SEMA6D: variants seen among roughly 807,000 people sequenced by gnomAD.
The protein encoded by SEMA6D is semaphorin 6D.
SEMA6D carries 35 observed loss-of-function variants against 106.6 expected under a neutral mutation model. That is an observed-to-expected ratio of 0.33 (90% confidence interval 0.25 to 0.44). The LOEUF (loss-of-function observed/expected upper bound fraction) is 0.44. Among genes scored for constraint, SEMA6D ranks in the 20% least tolerant of loss-of-function variants. The pLI is 1.00. For missense variants in SEMA6D, 1,185 were observed against 1,345.9 expected (o/e 0.88, Z 1.87); for synonymous variants, 499 against 487.7 (o/e 1.02, Z -0.31).
intron 3 of SEMA6D, among the ~76,000 whole-genome samples, chr15:47,564,525 T>G (rs181142170): frequency 2.6e-5 from 4 of 152,350 alleles, no homozygotes; most frequent in African/African-American, 7.2e-5. Flanking sequence ...TTACTTGAAC[T>G]GATATAAGAC....
At chr15:47,471,983 GAA>G (rs1377169314) in intron 3 of SEMA6D, among the ~76,000 whole-genome samples, 11 of 147,696 alleles carry the variant, frequency 7.4e-5, no homozygotes, top group Middle Eastern at 3.5e-3. Context: ...ACGAAAAAGA[GAA>G]AGAGAGAGAG....
intron 3 of SEMA6D, among the ~76,000 whole-genome samples, chr15:47,547,718 G>T (rs1318040031): frequency 1.3e-5 from 2 of 152,088 alleles, no homozygotes; most frequent in East Asian, 3.9e-4. Flanking sequence ...CAGCATAAAG[G>T]AAATCTTAGA....
At chr15:47,357,699 G>T (rs553392738) in intron 1 of SEMA6D, among the ~76,000 whole-genome samples, 1 of 152,262 alleles carries the variant, frequency 6.6e-6, no homozygotes, top group Non-Finnish European at 1.5e-5. Context: ...TTAAGGGTGG[G>T]TCTGCCTTTC....
At chr15:47,194,142 G>C (rs1468508623) in intron 1 of SEMA6D, among the ~76,000 whole-genome samples, 2 of 151,890 alleles carry the variant, frequency 1.3e-5, no homozygotes, top group Admixed American at 1.3e-4. Context: ...TGGATGATAG[G>C]TTTGGTTGGC....
chr15:47,761,619 G>C, intron 6 of SEMA6D, 42 bp from the exon 7 acceptor site: 3 of 1,473,544 alleles, frequency 2.0e-6, no homozygotes, highest in Non-Finnish European at 2.8e-6. Context: ...AAACGGGCAC[G>C]TTGAATAGAT....
At chr15:47,212,365 G>T (rs1342192545) in intron 1 of SEMA6D, among the ~76,000 whole-genome samples, 1 of 152,182 alleles carries the variant, frequency 6.6e-6, no homozygotes, top group African/African-American at 2.4e-5. Flanking sequence ...CAGACAGTAA[G>T]AAAGAGGTTA....
At chr15:47,756,252 T>C (rs2081727654) in intron 1 of SEMA6D, among the ~76,000 whole-genome samples, 1 of 152,174 alleles carries the variant, frequency 6.6e-6, no homozygotes, top group Admixed American at 6.5e-5. Context: ...TGCCTTATCC[T>C]CTAAGAATGC....
intron 1 of SEMA6D, among the ~76,000 whole-genome samples, chr15:47,738,809 A>G (rs2080610340): frequency 6.6e-6 from 1 of 152,222 alleles, no homozygotes. Context: ...GCAAAGACTC[A>G]TCACTACTCT....
At chr15:47,520,947 T>G (rs1566853517) in intron 3 of SEMA6D, among the ~76,000 whole-genome samples, 1 of 152,146 alleles carries the variant, frequency 6.6e-6, no homozygotes. Context: ...ATTTTGTATT[T>G]CTTGAGCTTT....
At chr15:47,449,834 G>A (rs2042135573) in intron 2 of SEMA6D, among the ~76,000 whole-genome samples, 1 of 152,042 alleles carries the variant, frequency 6.6e-6, no homozygotes, top group Non-Finnish European at 1.5e-5. Flanking sequence ...TTTCTTGCAA[G>A]AAAATCCCTA....
intron 1 of SEMA6D, among the ~76,000 whole-genome samples, chr15:47,188,997 A>C (rs1185195141): frequency 1.3e-5 from 2 of 152,326 alleles, no homozygotes; most frequent in East Asian, 3.9e-4. Context: ...CTAGAAAAAC[A>C]CTATTATAGC....
At chr15:47,436,109 G>C (rs1002540558) in intron 2 of SEMA6D, among the ~76,000 whole-genome samples, 12 of 152,086 alleles carry the variant, frequency 7.9e-5, no homozygotes, top group African/African-American at 2.4e-4. Context: ...TTGACTTTGG[G>C]CCGATTGCGG....
At chr15:47,365,750 A>T (rs1364605715) in intron 1 of SEMA6D, among the ~76,000 whole-genome samples, 1 of 152,006 alleles carries the variant, frequency 6.6e-6, no homozygotes, top group Non-Finnish European at 1.5e-5. Flanking sequence ...AATCCCAGCT[A>T]TTCGGGAGGC....
At chr15:47,314,775 A>G (rs928171306) in intron 1 of SEMA6D, among the ~76,000 whole-genome samples, 2 of 150,270 alleles carry the variant, frequency 1.3e-5, no homozygotes, top group Admixed American at 6.6e-5. Context: ...CCAATTATCA[A>G]TTATTATCTC....
At chr15:47,604,261 A>G (rs2143604673) in intron 4 of SEMA6D, 1 of 152,350 alleles carries the variant, frequency 6.6e-6, no homozygotes, top group South Asian at 2.1e-4. Flanking sequence ...TTTCACATCC[A>G]AGTTTGTGGA....
At chr15:47,318,604 T>C (rs2036791042) in intron 1 of SEMA6D, among the ~76,000 whole-genome samples, 1 of 146,274 alleles carries the variant, frequency 6.8e-6, no homozygotes, top group African/African-American at 2.5e-5. Flanking sequence ...AACTCATCAT[T>C]TTTTATGGCT....
At chr15:47,322,241 A>G (rs1439956581) in intron 1 of SEMA6D, among the ~76,000 whole-genome samples, 1 of 151,674 alleles carries the variant, frequency 6.6e-6, no homozygotes, top group East Asian at 1.9e-4. Flanking sequence ...GAAAAATACT[A>G]TTAACGAAAC....
chr15:47,723,204 T>C (rs1258030840), intron 1 of SEMA6D, among the ~76,000 whole-genome samples: 1 of 152,218 alleles, frequency 6.6e-6, no homozygotes, highest in African/African-American at 2.4e-5. Flanking sequence ...TTTTTTCTAA[T>C]CTAAATCACA....
At position 47,767,178 on chromosome 15, in the gene SEMA6D, G is replaced by A. The variant is rs183297063; in HGVS notation, c.1765+85G>A. 1.9e-4 allele frequency: 160 copies of A among 825,034 alleles called. 1 individual carries two copies. The highest frequency in any genetic ancestry group is 1.5e-3 in the African/African-American group (85 of 56,222). The allele number at this position is 825,034 out of a possible 1,614,324, so 51.1% of individuals were successfully genotyped here. A position where few individuals can be genotyped will look rare whatever the true frequency, so the allele number is the denominator to read the frequency against. Reference sequence around the variant, plus strand: ...TCAGCCCCTTCTCCCCTCCTTTTGCGCAGTTTGGCAGCCCTTCATTTTTCC... The same window carrying A: ...TCAGCCCCTTCTCCCCTCCTTTTGCACAGTTTGGCAGCCCTTCATTTTTCC... On this transcript the variant is annotated intron_variant, in intron 17 of 18. Transcript: ENST00000536845.
Sources: allele counts gnomAD v4.1 joint callset (sites outside exome capture counted in the v4.1 genomes callset), GRCh38; gene constraint gnomAD v4.1.1; transcripts MANE v1.5; gene names NCBI Gene and HGNC (gene_info 2026-07-23, HGNC 2026-07-21).